The following LRRTM3 variants were observed in gnomAD, a reference collection of about 807,000 sequenced individuals.
The protein encoded by LRRTM3 is leucine rich repeat transmembrane neuronal 3, also known as leucine-rich repeat transmembrane neuronal protein 3.
In LRRTM3, 24 loss-of-function variants were observed where a neutral mutation model predicts 44.7. The observed-to-expected ratio is 0.54, with a 90% CI of 0.39 to 0.76. The LOEUF (loss-of-function observed/expected upper bound fraction) is 0.76. Among genes scored for constraint, LRRTM3 ranks in the 30% least tolerant of loss-of-function variants. LRRTM3 has a pLI of 0.00. For missense variants in LRRTM3, 587 were observed against 702.2 expected, an observed-to-expected ratio of 0.84 and a Z score of 1.85; for synonymous variants, 277 against 278.7, an observed-to-expected ratio of 0.99 and a Z score of 0.06.
intron 2 of LRRTM3, among the ~76,000 whole-genome samples, chr10:66,982,935 C>G (rs945404120): frequency 3.4e-4 from 52 of 152,134 alleles, no homozygotes; most frequent in Non-Finnish European, 7.2e-4. Context: ...CTTAAGCAGA[C>G]TGTCTGCAGA....
At position 67,101,515 on chromosome 10, in the gene LRRTM3, G is replaced by A. The variant is rs1264889333; in HGVS notation, c.*3719G>A. Among the ~76,000 whole-genome samples, 7 of 151,454 alleles carry A rather than the reference G, an allele frequency of 4.6e-5. No homozygotes were observed. The South Asian group carries it at 1.0e-3, about 23-fold the overall frequency. On this transcript the variant is annotated 3_prime_UTR_variant, in exon 3 of 3. Coordinates refer to ENST00000361320, the MANE Select transcript of LRRTM3 (RefSeq NM_178011.5). ...TTGATGTATAGAACCTAAAACATAT[G>A]CTAACTTGCAAATAATATATTTTAC...
At chr10:67,016,947 G>A (rs927450326) in intron 2 of LRRTM3, among the ~76,000 whole-genome samples, 1 of 152,000 alleles carries the variant, frequency 6.6e-6, no homozygotes, top group Non-Finnish European at 1.5e-5. Context: ...TTCAAAATAG[G>A]GGATTTCTAA....
intron 2 of LRRTM3, among the ~76,000 whole-genome samples, chr10:67,003,474 C>T (rs1053054190): frequency 1.3e-5 from 2 of 152,114 alleles, no homozygotes; most frequent in Admixed American, 6.6e-5. Context: ...GTTCCAAGAT[C>T]GAATACTTTT....
intron 2 of LRRTM3, among the ~76,000 whole-genome samples, chr10:67,056,959 A>G (rs2133205214): frequency 6.6e-6 from 1 of 152,288 alleles, no homozygotes; most frequent in Non-Finnish European, 1.5e-5. Context: ...GAACTGACTG[A>G]GACTGATTAT....
intron 2 of LRRTM3, among the ~76,000 whole-genome samples, chr10:67,021,338 C>T (rs1853002147): frequency 6.6e-6 from 1 of 151,992 alleles, no homozygotes; most frequent in African/African-American, 2.4e-5. Context: ...ATGTAAGAAG[C>T]ACTTGTATAC....
At chr10:67,060,086 C>A (rs1028197221) in intron 2 of LRRTM3, among the ~76,000 whole-genome samples, 1 of 151,962 alleles carries the variant, frequency 6.6e-6, no homozygotes, top group African/African-American at 2.4e-5. Flanking sequence ...GATGCCAGGG[C>A]GGGTGGATCA....
chr10:67,069,055 A>AAT (rs1554911292), intron 2 of LRRTM3, among the ~76,000 whole-genome samples: 1 of 131,788 alleles, frequency 7.6e-6, no homozygotes, highest in Admixed American at 7.6e-5. Flanking sequence ...CAGGAAAAAA[A>AAT]ATATATATAT....
Position 66,926,216 on chromosome 10 carries a change from G to A in LRRTM3, c.-368G>A. ...AGCTCAGGTAGCCCCAAATTGCCTG[G>A]AAGAATACATCATGTTTTTCGATAA... On this transcript the variant is annotated 5_prime_UTR_variant, in exon 1 of 3. Transcript: ENST00000361320. The A allele has an allele frequency of 2.2e-6, 1 of 450,212 alleles. No individual in the cohort carries two copies. Among genetic ancestry groups the A allele is most frequent in the Non-Finnish European group, 4.3e-6 (1 of 232,394 alleles). 27.9% of individuals were successfully genotyped at this position (450,212 alleles called of 1,614,324 possible).
rs866391081 is a variant in LRRTM3, at chr10:67,011,068, G to C, written c.1536+82616G>C. Among the ~76,000 whole-genome samples, 8 of 152,124 alleles carry C rather than the reference G, an allele frequency of 5.3e-5. No individual in the cohort carries two copies. In the South Asian group the frequency reaches 1.5e-3, roughly 28 times the overall value. ...ATATAGGCCAGGCGCGGTGGCTCACGCCTGTAATCCCAGCACTTTGGGAGG... is the reference window on the plus strand; with the variant it reads ...ATATAGGCCAGGCGCGGTGGCTCACCCCTGTAATCCCAGCACTTTGGGAGG... On this transcript the variant is annotated intron_variant, in intron 2 of 2. Transcript: ENST00000361320.
At chr10:66,932,445 A>C (rs779366130) in intron 2 of LRRTM3, among the ~76,000 whole-genome samples, 6 of 152,188 alleles carry the variant, frequency 3.9e-5, no homozygotes, top group Non-Finnish European at 5.9e-5. Context: ...GAAATAAAAA[A>C]TTCAGAATCT....
intron 2 of LRRTM3, among the ~76,000 whole-genome samples, chr10:66,985,409 A>G (rs889086292): frequency 1.3e-5 from 2 of 152,168 alleles, no homozygotes; most frequent in South Asian, 2.1e-4. Flanking sequence ...AGGGTGCCCA[A>G]CAGGAACCTG....
At chr10:67,020,402 T>C (rs952227806) in intron 2 of LRRTM3, among the ~76,000 whole-genome samples, 1 of 152,172 alleles carries the variant, frequency 6.6e-6, no homozygotes, top group Non-Finnish European at 1.5e-5. Context: ...TATCTTCTCT[T>C]ATGAATGGAT....
intron 2 of LRRTM3, among the ~76,000 whole-genome samples, chr10:67,077,402 T>C (rs930834212): frequency 6.6e-6 from 1 of 152,152 alleles, no homozygotes; most frequent in Non-Finnish European, 1.5e-5. Context: ...CCCTGATGGC[T>C]TTTTGAGTCC....
At chr10:67,031,493 C>A (rs1006330599) in intron 2 of LRRTM3, among the ~76,000 whole-genome samples, 6 of 152,138 alleles carry the variant, frequency 3.9e-5, no homozygotes, top group Admixed American at 1.3e-4. Flanking sequence ...GAAAATTTAT[C>A]ATTTTCCTGA....
intron 2 of LRRTM3, among the ~76,000 whole-genome samples, chr10:67,055,253 T>C (rs1206060787): frequency 6.6e-6 from 1 of 152,152 alleles, no homozygotes; most frequent in African/African-American, 2.4e-5. Flanking sequence ...CTTCCATAGG[T>C]GTCACCATTA....
intron 2 of LRRTM3, among the ~76,000 whole-genome samples, chr10:66,983,404 T>C (rs1850556631): frequency 6.6e-6 from 1 of 152,168 alleles, no homozygotes; most frequent in Non-Finnish European, 1.5e-5. Context: ...TAGTGAGTTT[T>C]GTACGGGTGC....
chr10:67,086,097 T>C (rs781101865), intron 2 of LRRTM3, among the ~76,000 whole-genome samples: 2 of 152,008 alleles, frequency 1.3e-5, no homozygotes, highest in Non-Finnish European at 2.9e-5. Flanking sequence ...GGATATGATA[T>C]GGACAGATGA....
chr10:67,019,247 C>T (rs944702598), intron 2 of LRRTM3, among the ~76,000 whole-genome samples: 3 of 152,092 alleles, frequency 2.0e-5, no homozygotes, highest in African/African-American at 7.2e-5. Flanking sequence ...GAGACGTAGT[C>T]TCGCTCTGTT....
chr10:66,944,296 T>C (rs7920070), intron 2 of LRRTM3, among the ~76,000 whole-genome samples: 42,226 of 152,092 alleles, frequency 0.28, 6,162 homozygotes, highest in Middle Eastern at 0.34. Flanking sequence ...AGAGACAACT[T>C]TCTCTGTTCA....
Sources: gnomAD v4.1 joint callset for allele counts (sites outside exome capture counted in the v4.1 genomes callset) on GRCh38, gnomAD v4.1.1 for gene constraint, MANE v1.5 for transcripts, NCBI Gene and HGNC (gene_info 2026-07-23, HGNC 2026-07-21) for gene names.